The following ZFYVE26 variants were observed in gnomAD, a reference collection of about 807,000 sequenced individuals.
ZFYVE26 encodes the protein zinc finger FYVE-type containing 26.
ZFYVE26 carries 181 observed loss-of-function variants against 276.5 expected under a neutral mutation model. That is an observed-to-expected ratio of 0.65 (90% CI 0.58 to 0.74). The LOEUF is 0.74. ZFYVE26 is among the 30% of genes least tolerant of loss of function. The pLI is 0.00. For missense variants in ZFYVE26, 2,821 were observed against 3,097.9 expected (o/e 0.91, Z 2.12); for synonymous variants, 1,129 against 1,203.1 (o/e 0.94, Z 1.27).
In ZFYVE26 at chr14:67,797,773, A is replaced by C. The variant is rs762924828; in HGVS notation, c.2249-18T>G. ...TTGCTCCTCTGAAAGAGCAAACCCA[A>C]TGGGACAGAAAGGAGAGTGATCAAC... On this transcript the variant is annotated intron_variant, in intron 11 of 41. Transcript: ENST00000347230. 68 of 1,613,542 alleles carry C rather than the reference A, an allele frequency of 4.2e-5. No individual in the cohort carries two copies. Among genetic ancestry groups the C allele is most frequent in the Non-Finnish European group, 5.4e-5 (64 of 1,179,902 alleles).
chr14:67,791,895 A>G (rs2039823917), intron 14 of ZFYVE26, among the ~76,000 whole-genome samples: 1 of 151,892 alleles, frequency 6.6e-6, no homozygotes, highest in Non-Finnish European at 1.5e-5. Flanking sequence ...CCCCGTCTCT[A>G]TTAAAAATAT....
chr14:67,783,091 C>A lies in ZFYVE26; in HGVS notation c.4061G>T (p.Arg1354Leu). 2 of 1,613,060 alleles carry A rather than the reference C, an allele frequency of 1.2e-6. No homozygotes were observed. The highest frequency in any genetic ancestry group is 8.5e-7 in the Non-Finnish European group (1 of 1,179,158). The part of the protein sequence containing the change: ...EVPLAAEQVA[R>L]ECERLLEQFP... ...TTGTTCCAGAAGGCGCTCACACTCC[C>A]GGGCTACCTGCTCTGCAGCCAGAGG... The change falls in exon 21 of 42, where the codon CGG becomes CTG. Residue 1354 changes from arginine (R) to leucine (L), a missense_variant. Physicochemically the swap from Arg to Leu is moderately radical, Grantham distance 102 (BLOSUM62 -2). Coordinates refer to ENST00000347230, the MANE Select transcript of ZFYVE26 (RefSeq NM_015346.4).
chr14:67,732,778 G>A (rs1297477182), intron 13 of ZFYVE26, among the ~76,000 whole-genome samples: 6 of 151,950 alleles, frequency 3.9e-5, no homozygotes, highest in African/African-American at 1.2e-4. Flanking sequence ...GCAGGGTTTC[G>A]CCTTGTTGGC....
At chr14:67,768,052 A>G (rs1594897047) in intron 30 of ZFYVE26, among the ~76,000 whole-genome samples, 1 of 152,170 alleles carries the variant, frequency 6.6e-6, no homozygotes, top group African/African-American at 2.4e-5. Context: ...GTGTTACAGT[A>G]TTTGTCACGT....
chr14:67,793,459 G>A (rs2039872373), intron 14 of ZFYVE26, 149 bp downstream of exon 14: 3 of 825,784 alleles, frequency 3.6e-6, no homozygotes, highest in Non-Finnish European at 6.0e-6. Flanking sequence ...TGAAGACTGG[G>A]CCTGGGCACA....
At chr14:67,734,624 A>G (rs2038329561) in intron 13 of ZFYVE26, among the ~76,000 whole-genome samples, 1 of 152,184 alleles carries the variant, frequency 6.6e-6, no homozygotes, top group Non-Finnish European at 1.5e-5. Context: ...GGAATGTAAG[A>G]TCCTCAGAGT....
intron 13 of ZFYVE26, chr14:67,734,212 T>C (rs1355504326): frequency 3.5e-6 from 1 of 287,060 alleles, no homozygotes; most frequent in Non-Finnish European, 6.9e-6. Flanking sequence ...AAGAGCACCA[T>C]CACTGCCTAT....
At chr14:67,735,307 T>C (rs1401936684) in intron 13 of ZFYVE26, 2 of 836,394 alleles carry the variant, frequency 2.4e-6, no homozygotes, top group East Asian at 2.4e-5. Context: ...CACCTCTCTG[T>C]AGTGTCTCGC....
In ZFYVE26 at chr14:67,798,052, T is replaced by C. The variant is rs769980746; in HGVS notation, c.2210A>G (p.Gln737Arg). 3.7e-6 allele frequency: 6 copies of C among 1,614,198 alleles called. No individual in the cohort carries two copies. Among genetic ancestry groups the C allele is most frequent in the South Asian group, 2.2e-5 (2 of 91,082 alleles). The part of the protein sequence containing the change: ...HRLSKVVSEA[Q>R]WRHKVVTSNH... ...GCTTGTCACCACCTTGTGTCTCCAC[T>C]GGGCCTCAGAGACAACCTTGGAAAG... The change falls in exon 11 of 42, where the codon CAG becomes CGG. Residue 737 changes from glutamine (Q) to arginine (R), a missense_variant. By Grantham distance (43) the Gln-to-Arg change is conservative. Coordinates refer to ENST00000347230, the MANE Select transcript of ZFYVE26 (RefSeq NM_015346.4).
intron 27 of ZFYVE26, among the ~76,000 whole-genome samples, chr14:67,774,176 C>A (rs1306347182): frequency 3.9e-5 from 6 of 152,234 alleles, no homozygotes; most frequent in Non-Finnish European, 5.9e-5. Context: ...ATACTCAACA[C>A]TCAAATTCCC....
chr14:67,804,350 CCT>C, intron 8 of ZFYVE26, 86 bp from the exon 9 acceptor site: 1 of 1,492,522 alleles, frequency 6.7e-7, no homozygotes, highest in Non-Finnish European at 9.2e-7. Context: ...TCTTGTTCTT[CCT>C]CTCTGGACCA....
At position 67,775,913 on chromosome 14, in the gene ZFYVE26, C is replaced by A; in HGVS notation, c.5168G>T (p.Arg1723Ile). The change falls in exon 26 of 42, where the codon AGA (arginine) becomes ATA (isoleucine). Residue 1723 changes from arginine (R) to isoleucine (I), a missense_variant. By Grantham distance (97) the Arg-to-Ile change is moderately conservative. Transcript: ENST00000347230. ...AAAGTCCAGGGCTTTCTCTGCGTAT[C>A]TGGAAAGCAGTGAGTCCACCTCGTC... ...TMDEVDSLLS[R>I]YAEKALDFPY... 6.2e-7 allele frequency: 1 copy of A among 1,614,246 alleles called. No homozygotes were observed. Among genetic ancestry groups the A allele is most frequent in the Admixed American group, 1.7e-5 (1 of 60,032 alleles).
At chr14:67,753,611 T>C (rs768177675) in intron 39 of ZFYVE26, 96 bp downstream of exon 39, 1 of 1,347,104 alleles carries the variant, frequency 7.4e-7, no homozygotes, top group East Asian at 2.4e-5. Flanking sequence ...TAAATCCACT[T>C]TTCTTGGGAT....
At chr14:67,771,856 G>T (rs2039218205) in intron 28 of ZFYVE26, among the ~76,000 whole-genome samples, 191 bp downstream of exon 28, 1 of 152,226 alleles carries the variant, frequency 6.6e-6, no homozygotes. Context: ...GTTTGAGGGT[G>T]TCTACTACCT....
At chr14:67,807,116 A>AT (rs941593034) in intron 5 of ZFYVE26, among the ~76,000 whole-genome samples, 2 of 151,814 alleles carry the variant, frequency 1.3e-5, no homozygotes, top group East Asian at 1.9e-4. Flanking sequence ...TAATTTCTAA[A>AT]TTTTTTTTGT....
chr14:67,751,425 T>C (rs1181338217), intron 40 of ZFYVE26: 16 of 435,244 alleles, frequency 3.7e-5, no homozygotes, highest in Non-Finnish European at 6.9e-5. Context: ...AGCACTAAGT[T>C]CTCACACTAA....
At chr14:67,798,864 C>T (rs2040018130) in intron 10 of ZFYVE26, 1 of 857,206 alleles carries the variant, frequency 1.2e-6, no homozygotes, top group Non-Finnish European at 1.8e-6. Context: ...CCGAGGCCAA[C>T]CGGGCCTCCC....
At chr14:67,785,028 A>C (rs1450327852) in intron 19 of ZFYVE26, 31 bp downstream of exon 19, 1 of 1,611,030 alleles carries the variant, frequency 6.2e-7, no homozygotes, top group Non-Finnish European at 8.5e-7. Flanking sequence ...CAGGTCTGCC[A>C]TGAATCTATT....
rs1477663222 is a variant in ZFYVE26, at chr14:67,757,640, G to GTCTGTCTT, written c.6589-1496_6589-1495insAAGACAGA. ...TTCCTACTATGGGGCAGATATTTTT[G>GTCTGTCTT]TCTTTCTTTCTTTCTTTCTTTCTTT... On this transcript the variant is annotated intron_variant, in intron 35 of 41. Coordinates refer to ENST00000347230, the MANE Select transcript of ZFYVE26 (RefSeq NM_015346.4). Among the ~76,000 whole-genome samples the GTCTGTCTT allele has an allele frequency of 1.3e-3, 200 of 149,016 alleles. 1 individual carries two copies. Among genetic ancestry groups the GTCTGTCTT allele is most frequent in the African/African-American group, 4.6e-3 (185 of 40,202 alleles).
Sources: allele counts gnomAD v4.1 joint callset (sites outside exome capture counted in the v4.1 genomes callset), GRCh38; gene constraint gnomAD v4.1.1; transcripts MANE v1.5; gene names NCBI Gene and HGNC (gene_info 2026-07-23, HGNC 2026-07-21).